Variants in WDR25 observed in about 807,000 individuals in gnomAD.
WDR25 encodes WD repeat domain 25.
WDR25 carries 35 observed loss-of-function variants against 47.7 expected under a neutral mutation model. That is an observed-to-expected ratio of 0.73 (90% CI 0.56 to 0.97). The LOEUF (loss-of-function observed/expected upper bound fraction) is 0.97, where lower values mean the gene tolerates loss of function less well. WDR25 is among the 50% of genes least tolerant of loss of function. The probability of loss-of-function intolerance (pLI) is 0.00; values close to 1 mark genes in which losing one functional copy is unlikely to be tolerated. For synonymous variants in WDR25, 248 were observed against 278.9 expected, an observed-to-expected ratio of 0.89 and a Z score of 1.10; for missense variants, 634 against 704.7, an observed-to-expected ratio of 0.90 and a Z score of 1.14.
At chr14:100,492,531 A>G (rs1900600362) in intron 4 of WDR25, among the ~76,000 whole-genome samples, 1 of 152,222 alleles carries the variant, frequency 6.6e-6, no homozygotes, top group Non-Finnish European at 1.5e-5. Context: ...AGTTTCAGAA[A>G]ATATAAAGCA....
rs554268276 is a variant in WDR25 at position 100,449,130 on chromosome 14, C to A, written c.823-18891C>A. 3.9e-5 allele frequency among the ~76,000 whole-genome samples: 6 copies of A among 152,192 alleles called. No homozygotes were observed. In the South Asian group the frequency reaches 1.0e-3, roughly 26 times the overall value. On this transcript the variant is annotated intron_variant, in intron 2 of 6. Transcript: ENST00000402312. The surrounding 1 kb of genome is among the most constrained non-coding windows in gnomAD (Gnocchi z 4.2). ...CCCTAAGCCCTTGGGATGTGCTTGG[C>A]AAGATAAGGCCTTATGGCTAGAAGG...
chr14:100,381,622 C>T lies in WDR25; in HGVS notation c.698C>T (p.Thr233Ile). 2 of 1,608,100 alleles carry T rather than the reference C, an allele frequency of 1.2e-6. No homozygotes were observed. Among genetic ancestry groups the T allele is most frequent in the Non-Finnish European group, 8.5e-7 (1 of 1,175,264 alleles). The change falls in exon 2 of 7, where the codon ACA becomes ATA. Residue 233 changes from threonine (T) to isoleucine (I), a missense_variant. Thr to Ile is a moderately conservative substitution (Grantham distance 89, BLOSUM62 -1). Transcript: ENST00000402312. ...PYLNSHYKET[T>I]VPRKVLFHLR... ...TTGAATAGCCATTATAAAGAAACCACAGTTCCCCGGAAAGTGCTTTTCCAC... is the reference window on the plus strand; with the variant it reads ...TTGAATAGCCATTATAAAGAAACCATAGTTCCCCGGAAAGTGCTTTTCCAC...
At chr14:100,411,480 A>G (rs1897705444) in intron 2 of WDR25, among the ~76,000 whole-genome samples, 1 of 151,916 alleles carries the variant, frequency 6.6e-6, no homozygotes, top group South Asian at 2.1e-4. Flanking sequence ...CATTGGAAGT[A>G]GGTTGGATGC....
chr14:100,525,760 C>A lies in WDR25; in HGVS notation c.1102-110C>A. On this transcript the variant is annotated intron_variant, in intron 4 of 6. Coordinates refer to ENST00000402312, the MANE Select transcript of WDR25 (RefSeq NM_001161476.3). This position sits in a 1 kb window ranked among gnomAD's most constrained non-coding sequence, Gnocchi z 4.6. ...CTGCTCAGCCTGGGTGTGTGTGGCC[C>A]AGCATAAACTTCACTAAACCTGCCT... 7.7e-7 allele frequency: 1 copy of A among 1,292,692 alleles called. No homozygotes were observed. The highest frequency in any genetic ancestry group is 1.1e-6 in the Non-Finnish European group (1 of 946,626). 80.1% of individuals were successfully genotyped at this position (1,292,692 alleles called of 1,614,324 possible).
intron 2 of WDR25, among the ~76,000 whole-genome samples, chr14:100,445,908 T>C (rs1292236219): frequency 6.6e-6 from 1 of 152,186 alleles, no homozygotes; most frequent in African/African-American, 2.4e-5. Flanking sequence ...TTCCAACCCA[T>C]GCTGCCCCTC....
intron 2 of WDR25, among the ~76,000 whole-genome samples, chr14:100,395,948 A>T (rs1010943988): frequency 2.8e-5 from 4 of 143,018 alleles, no homozygotes; most frequent in African/African-American, 1.0e-4. Context: ...AATCAAAGTG[A>T]TGATTGTTCC....
rs1900954704 is a variant in WDR25 at position 100,502,383 on chromosome 14, A to C, written c.1101+18259A>C. Among the ~76,000 whole-genome samples, 1 of 151,992 alleles carries C rather than the reference A, an allele frequency of 6.6e-6. No individual in the cohort carries two copies. The highest frequency in any genetic ancestry group is 2.4e-5 in the African/African-American group (1 of 41,378). ...TCCCCATCTGCCAGGAATAGGCTGA[A>C]CTCCATGACCTAGCCTGTGTAGAGC... On this transcript the variant is annotated intron_variant, in intron 4 of 6. Coordinates refer to ENST00000402312, the MANE Select transcript of WDR25 (RefSeq NM_001161476.3). This position sits in a 1 kb window ranked among gnomAD's most constrained non-coding sequence, Gnocchi z 4.5.
chr14:100,381,860 G>A (rs1277569802), intron 2 of WDR25, 114 bp downstream of exon 2: 10 of 877,296 alleles, frequency 1.1e-5, no homozygotes, highest in Non-Finnish European at 1.7e-5. Flanking sequence ...GCAGATTTCT[G>A]TAATTCCCTT....
intron 2 of WDR25, among the ~76,000 whole-genome samples, chr14:100,402,890 G>A (rs999045): frequency 0.37 from 55,691 of 151,952 alleles, 12,425 homozygotes; most frequent in South Asian, 0.66. Flanking sequence ...GATGAGACCC[G>A]TGCAGCCAGC....
chr14:100,452,957 A>G (rs958305323), intron 2 of WDR25, among the ~76,000 whole-genome samples: 55 of 152,100 alleles, frequency 3.6e-4, no homozygotes, highest in African/African-American at 1.3e-3. Flanking sequence ...AACTTGAGAC[A>G]TCGGTTTTGA....
chr14:100,490,411 T>C (rs1336728112), intron 4 of WDR25, among the ~76,000 whole-genome samples: 1 of 152,258 alleles, frequency 6.6e-6, no homozygotes, highest in East Asian at 1.9e-4. Flanking sequence ...GCCACTGTCA[T>C]TAATTTGCTT....
chr14:100,452,417 A>C lies in WDR25; in HGVS notation c.823-15604A>C, dbSNP rs73349430. The stretch of plus-strand genomic sequence containing the variant: ...ATAAATATGTTAGGAAGTAACATAA[A>C]GCTTTGAAGAAAAGTAGAGCTGGCT... On this transcript the variant is annotated intron_variant, in intron 2 of 6. Transcript: ENST00000402312. 4.9e-3 allele frequency among the ~76,000 whole-genome samples: 752 copies of C among 152,380 alleles called. 10 individuals are homozygous for C. Among genetic ancestry groups the C allele is most frequent in the African/African-American group, 0.017 (707 of 41,586 alleles).
chr14:100,431,584 T>C (rs1215750927), intron 2 of WDR25, among the ~76,000 whole-genome samples: 1 of 151,930 alleles, frequency 6.6e-6, no homozygotes, highest in Non-Finnish European at 1.5e-5. Context: ...TCTTGCTCTG[T>C]TGCCCAGGCT....
At chr14:100,405,787 A>G (rs1054074803) in intron 2 of WDR25, among the ~76,000 whole-genome samples, 3 of 152,104 alleles carry the variant, frequency 2.0e-5, no homozygotes, top group Non-Finnish European at 4.4e-5. Flanking sequence ...CCTTGGCTTT[A>G]AGTTCTCTTT....
At chr14:100,419,030 C>T (rs962223668) in intron 2 of WDR25, among the ~76,000 whole-genome samples, 2 of 151,930 alleles carry the variant, frequency 1.3e-5, no homozygotes, top group Admixed American at 6.6e-5. Flanking sequence ...ACCAGTCTGG[C>T]GAACATGGGG....
intron 2 of WDR25, among the ~76,000 whole-genome samples, chr14:100,421,495 T>G (rs1289806387): frequency 6.6e-6 from 1 of 152,104 alleles, no homozygotes; most frequent in Non-Finnish European, 1.5e-5. Context: ...CTTGGCTGAG[T>G]AGAAATGAGT....
chr14:100,520,770 G>A (rs543949681), intron 4 of WDR25, among the ~76,000 whole-genome samples: 4 of 152,290 alleles, frequency 2.6e-5, no homozygotes, highest in South Asian at 2.1e-4. Context: ...CATCGGGCTC[G>A]TATGTGTCAG....
At chr14:100,434,235 G>A (rs192622285) in intron 2 of WDR25, among the ~76,000 whole-genome samples, 2 of 152,230 alleles carry the variant, frequency 1.3e-5, no homozygotes, top group Non-Finnish European at 1.5e-5. Context: ...GTTATTTCCA[G>A]GAGAACCTGT....
chr14:100,485,844 C>T (rs1900364767), intron 4 of WDR25, among the ~76,000 whole-genome samples: 1 of 151,982 alleles, frequency 6.6e-6, no homozygotes, highest in Admixed American at 6.6e-5. Flanking sequence ...TTGAGGAGAG[C>T]CTAAATGCAG....
Sources: gnomAD v4.1 joint callset for allele counts (sites outside exome capture counted in the v4.1 genomes callset) on GRCh38, gnomAD v4.1.1 for gene constraint, Gnocchi (gnomAD v3.1) non-coding constraint, MANE v1.5 for transcripts, NCBI Gene and HGNC (gene_info 2026-07-23, HGNC 2026-07-21) for gene names.